Variants in PRKCG observed in about 807,000 individuals in gnomAD.
PRKCG encodes the protein protein kinase C gamma type.
A neutral mutation model predicts 82.0 loss-of-function variants in PRKCG; 28 were observed. The observed-to-expected ratio is 0.34, with a 90% CI of 0.25 to 0.47. The LOEUF is 0.47. PRKCG is among the 20% of genes least tolerant of loss of function. The pLI is 1.00. For missense variants in PRKCG, 640 were observed against 952.7 expected (o/e 0.67, Z 4.32); for synonymous variants, 383 against 376.6 (o/e 1.02, Z -0.20).
rs1238280713 is a variant in PRKCG, at chr19:53,906,453, G to T, written c.1901G>T (p.Arg634Leu). 2.5e-6 allele frequency: 4 copies of T among 1,574,584 alleles called. No individual in the cohort carries two copies. The highest frequency in any genetic ancestry group is 3.4e-6 in the Non-Finnish European group (4 of 1,159,578). ...RLEIPPPFRP[R>L]PCGRSGENFD... The stretch of plus-strand genomic sequence containing the variant: ...GAGATCCCGCCTCCTTTCAGACCCC[G>T]CCCGGTCAGTCACCCTCCAGGCAAC... Residue 634 changes from arginine (R) to leucine (L), a missense_variant, in exon 17 of 18, where the codon CGC (arginine) becomes CTC (leucine). Coordinates refer to ENST00000263431, the MANE Select transcript of PRKCG (RefSeq NM_002739.5).
chr19:53,888,259 A>G (rs2068646767), intron 3 of PRKCG, among the ~76,000 whole-genome samples: 2 of 152,114 alleles, frequency 1.3e-5, no homozygotes, highest in African/African-American at 2.4e-5. Context: ...TATATATTCA[A>G]ACTAGAAACC....
intron 8 of PRKCG, 83 bp downstream of exon 8, chr19:53,893,158 C>T: frequency 7.2e-7 from 1 of 1,382,522 alleles, no homozygotes; most frequent in East Asian, 2.4e-5. Context: ...CCCCTGAGTG[C>T]CCGCTGGTCC....
chr19:53,897,685 G>A (rs1223339693), intron 9 of PRKCG, among the ~76,000 whole-genome samples: 1 of 151,216 alleles, frequency 6.6e-6, no homozygotes, highest in Non-Finnish European at 1.5e-5. Flanking sequence ...AAATGGAAAC[G>A]ATAGCAGGGT....
chr19:53,892,780 A>ACG lies in PRKCG; in HGVS notation c.821+139_821+140dup, dbSNP rs1226634530. The ACG allele has an allele frequency of 9.7e-7, 1 of 1,032,252 alleles. No individual in the cohort carries two copies. Among genetic ancestry groups the ACG allele is most frequent in the Non-Finnish European group, 1.4e-6 (1 of 717,584 alleles). 63.9% of individuals were successfully genotyped at this position (1,032,252 alleles called of 1,614,324 possible). On this transcript the variant is annotated intron_variant, in intron 7 of 17. Coordinates refer to ENST00000263431, the MANE Select transcript of PRKCG (RefSeq NM_002739.5). This position sits in a 1 kb window ranked among gnomAD's most constrained non-coding sequence, Gnocchi z 5.9. ...CACACACACACACACACACACACAC[A>ACG]CGCACACACACGCACACACCCCTCT... is the stretch of plus-strand genomic sequence containing the variant.
chr19:53,898,658 C>G, intron 11 of PRKCG, 30 bp downstream of exon 11: 2 of 1,548,756 alleles, frequency 1.3e-6, no homozygotes, highest in Non-Finnish European at 1.7e-6. Flanking sequence ...AGGCTGTCCT[C>G]CGGGCCCTGC....
At chr19:53,902,701 C>T (rs1294538342) in intron 14 of PRKCG, among the ~76,000 whole-genome samples, 1 of 151,634 alleles carries the variant, frequency 6.6e-6, no homozygotes, top group Non-Finnish European at 1.5e-5. Flanking sequence ...TTGAGACCAG[C>T]CTGGGCAACA....
Position 53,904,677 on chromosome 19 carries a change from A to T in PRKCG, c.1699A>T (p.Ile567Phe). The T allele has an allele frequency of 1.2e-6, 2 of 1,613,698 alleles. No individual in the cohort carries two copies. The highest frequency in any genetic ancestry group is 1.7e-6 in the Non-Finnish European group (2 of 1,179,936). Reference sequence around the variant, plus strand: ...GGACGAGGAGGAGCTGTTTCAGGCCATCATGGAACAAACTGTCACCTACCC... The same window carrying T: ...GGACGAGGAGGAGCTGTTTCAGGCCTTCATGGAACAAACTGTCACCTACCC... ...GEDEEELFQA[I>F]MEQTVTYPKS... Residue 567 changes from isoleucine (I) to phenylalanine (F), a missense_variant, in exon 16 of 18, where the codon ATC becomes TTC. Transcript: ENST00000263431.
intron 16 of PRKCG, 104 bp downstream of exon 16, chr19:53,904,846 C>A: frequency 1.1e-6 from 1 of 938,304 alleles, no homozygotes; most frequent in Non-Finnish European, 1.7e-6. Flanking sequence ...AGTCACTTTA[C>A]TTCCATCTGT....
intron 10 of PRKCG, 74 bp from the exon 11 acceptor site, chr19:53,898,366 C>T (rs2068732717): frequency 6.4e-6 from 10 of 1,571,144 alleles, no homozygotes; most frequent in East Asian, 2.2e-5. Context: ...TTCCCTGCGT[C>T]CCTTAGGGAG....
intron 3 of PRKCG, among the ~76,000 whole-genome samples, chr19:53,885,285 G>A (rs751401613): frequency 6.6e-6 from 1 of 152,088 alleles, no homozygotes; most frequent in Non-Finnish European, 1.5e-5. Context: ...CTGGAGTGCA[G>A]TGGCGCAGTC....
At position 53,889,037 on chromosome 19, in the gene PRKCG, C is replaced by T. The variant is rs190431812; in HGVS notation, c.286-601C>T. Among the ~76,000 whole-genome samples, 30 of 152,134 alleles carry T rather than the reference C, an allele frequency of 2.0e-4. No homozygotes were observed. The highest frequency in any genetic ancestry group is 4.8e-4 in the African/African-American group (20 of 41,488). ...GCACAATCTTGGCTCACTGCAACCT[C>T]GGCCTCCTGGATTCAAGCAATTCTC... is the stretch of plus-strand genomic sequence containing the variant. On this transcript the variant is annotated intron_variant, in intron 3 of 17. Transcript: ENST00000263431. This position sits in a 1 kb window ranked among gnomAD's most constrained non-coding sequence, Gnocchi z 4.4.
In PRKCG at chr19:53,892,752, G is replaced by GCGCGCGCACA; in HGVS notation, c.821+110_821+111insGCGCGCACAC. On this transcript the variant is annotated intron_variant, in intron 7 of 17. Transcript: ENST00000263431. The surrounding 1 kb of genome is among the most constrained non-coding windows in gnomAD (Gnocchi z 5.9). ...TCCTTCCCTCTGCCTCCCAGCATGC[G>GCGCGCGCACA]CACACACACACACACACACACACAC... 9.1e-7 allele frequency: 1 copy of GCGCGCGCACA among 1,097,156 alleles called. No individual in the cohort carries two copies. The highest frequency in any genetic ancestry group is 1.3e-6 in the Non-Finnish European group (1 of 772,754). 68.0% of individuals were successfully genotyped at this position (1,097,156 alleles called of 1,614,324 possible). A position where few individuals can be genotyped will look rare whatever the true frequency, so the allele number is the denominator to read the frequency against.
rs1270154944 is a variant in PRKCG, at chr19:53,903,064, C to G, written c.1576-9C>G. 1 of 1,610,264 alleles carries G rather than the reference C, an allele frequency of 6.2e-7. No individual in the cohort carries two copies. Among genetic ancestry groups the G allele is most frequent in the Admixed American group, 1.7e-5 (1 of 59,986 alleles). ...CGCATCATGATTCCCTGCCTTCCAC[C>G]TCCCCTAGATCATTGCCTACCAGCC... On this transcript the variant is annotated splice_polypyrimidine_tract_variant and intron_variant, in intron 14 of 17. Coordinates refer to ENST00000263431, the MANE Select transcript of PRKCG (RefSeq NM_002739.5).
intron 9 of PRKCG, among the ~76,000 whole-genome samples, chr19:53,895,608 G>A (rs2123003742): frequency 6.6e-6 from 1 of 152,236 alleles, no homozygotes; most frequent in South Asian, 2.1e-4. Context: ...TGTTGTGTGT[G>A]GGGGTTCACC....
Position 53,889,792 on chromosome 19 carries a change from GT to G in PRKCG, c.397+44del, listed in dbSNP as rs774820380. The G allele has an allele frequency of 2.6e-5, 42 of 1,600,700 alleles. No homozygotes were observed. The highest frequency in any genetic ancestry group is 3.4e-5 in the Non-Finnish European group (40 of 1,173,766). ...TGCCAGGGCCCTTCCAAAGCGCCCGGTCTGGGTTCCGGGAAATGCCCGGGAT... is the reference window on the plus strand; with the variant it reads ...TGCCAGGGCCCTTCCAAAGCGCCCGGCTGGGTTCCGGGAAATGCCCGGGAT... On this transcript the variant is annotated intron_variant, in intron 4 of 17. Transcript: ENST00000263431. The surrounding 1 kb of genome is among the most constrained non-coding windows in gnomAD (Gnocchi z 4.4).
chr19:53,889,764 C>T lies in PRKCG; in HGVS notation c.397+15C>T. On this transcript the variant is annotated intron_variant, in intron 4 of 17. Transcript: ENST00000263431. This position sits in a 1 kb window ranked among gnomAD's most constrained non-coding sequence, Gnocchi z 4.4. ...GAAATGCTCCTGTGAGTGACCTGGGCCTTGCCAGGGCCCTTCCAAAGCGCC... is the reference window on the plus strand; with the variant it reads ...GAAATGCTCCTGTGAGTGACCTGGGTCTTGCCAGGGCCCTTCCAAAGCGCC... The T allele has an allele frequency of 6.2e-7, 1 of 1,612,054 alleles. No homozygotes were observed. Among genetic ancestry groups the T allele is most frequent in the Non-Finnish European group, 8.5e-7 (1 of 1,179,046 alleles).
chr19:53,901,334 A>T (rs1034167574), intron 14 of PRKCG, among the ~76,000 whole-genome samples: 1 of 151,926 alleles, frequency 6.6e-6, no homozygotes, highest in Admixed American at 6.6e-5. Flanking sequence ...ACTTGAGGTC[A>T]GGAGTTTGAG....
In PRKCG at chr19:53,884,280, G is replaced by A. The variant is rs761728819; in HGVS notation, c.285+37G>A. 1.0e-5 allele frequency: 16 copies of A among 1,592,672 alleles called. No homozygotes were observed. In the African/African-American group the frequency reaches 1.3e-4, roughly 13 times the overall value. ...GACACCTGGTTCTCCTCCTCGGGCCGTGCCCCCGCCCTCACCCCCTCGGCG... is the reference window on the plus strand; with the variant it reads ...GACACCTGGTTCTCCTCCTCGGGCCATGCCCCCGCCCTCACCCCCTCGGCG... On this transcript the variant is annotated intron_variant, in intron 3 of 17. Transcript: ENST00000263431. This position sits in a 1 kb window ranked among gnomAD's most constrained non-coding sequence, Gnocchi z 4.6.
In PRKCG at chr19:53,906,921, C is replaced by A; in HGVS notation, c.*26C>A. The stretch of plus-strand genomic sequence containing the variant: ...TCTCACCCGCCGCCACTAGGTGTCC[C>A]CAACGTCCCCTCCGCCGTGCCGGCG... On this transcript the variant is annotated 3_prime_UTR_variant, in exon 18 of 18. Coordinates refer to ENST00000263431, the MANE Select transcript of PRKCG (RefSeq NM_002739.5). The A allele has an allele frequency of 6.2e-7, 1 of 1,613,208 alleles. No individual in the cohort carries two copies. The highest frequency in any genetic ancestry group is 8.5e-7 in the Non-Finnish European group (1 of 1,179,820).
Sources: gnomAD v4.1 joint callset for allele counts (sites outside exome capture counted in the v4.1 genomes callset) on GRCh38, gnomAD v4.1.1 for gene constraint, Gnocchi (gnomAD v3.1) non-coding constraint, MANE v1.5 for transcripts, NCBI Gene and HGNC (gene_info 2026-07-23, HGNC 2026-07-21) for gene names.